RAB38: variants seen among roughly 807,000 people sequenced by gnomAD.
RAB38 encodes the protein ras-related protein Rab-38.
A neutral mutation model predicts 18.4 loss-of-function variants in RAB38; 15 were observed. The observed-to-expected ratio is 0.82, with a 90% CI of 0.55 to 1.26. The LOEUF (loss-of-function observed/expected upper bound fraction) is 1.26. Ranked by LOEUF, RAB38 falls within the 50% of genes most tolerant of loss-of-function variation. The pLI is 0.00. For missense variants in RAB38, 294 were observed against 267.4 expected, an observed-to-expected ratio of 1.10 and a Z score of -0.69; for synonymous variants, 101 against 104.4, an observed-to-expected ratio of 0.97 and a Z score of 0.20.
the RAB38 span, among the ~76,000 whole-genome samples, chr11:87,860,173 G>A: frequency 6.6e-6 from 1 of 151,934 alleles, no homozygotes; most frequent in East Asian, 1.9e-4. Flanking sequence ...CTAGAGAAAG[G>A]AATCATAAGG....
the RAB38 span, among the ~76,000 whole-genome samples, chr11:87,914,580 C>T: frequency 0.093 from 14,184 of 152,146 alleles, 1,519 homozygotes; most frequent in African/African-American, 0.27. Flanking sequence ...AATGTTTAGC[C>T]TACCTATGGG....
chr11:87,858,632 T>C, the RAB38 span, among the ~76,000 whole-genome samples: 1 of 152,072 alleles, frequency 6.6e-6, no homozygotes, highest in Non-Finnish European at 1.5e-5. Flanking sequence ...TGCCATTGTA[T>C]TAAGGTTAAC....
At chr11:88,174,620 C>CGAAAAAAAAAA (rs1943354511) in intron 1 of RAB38, among the ~76,000 whole-genome samples, 1 of 101,130 alleles carries the variant, frequency 9.9e-6, no homozygotes, top group African/African-American at 3.9e-5. Flanking sequence ...AAGCAAAAAG[C>CGAAAAAAAAAA]AAAAAAAAAA....
the RAB38 span, among the ~76,000 whole-genome samples, chr11:87,846,852 G>C: frequency 2.0e-5 from 3 of 151,852 alleles, no homozygotes; most frequent in African/African-American, 7.3e-5. Context: ...CTCATCAGGG[G>C]AATTACATTA....
At chr11:88,005,551 T>G in the RAB38 span, among the ~76,000 whole-genome samples, 1 of 151,396 alleles carries the variant, frequency 6.6e-6, no homozygotes, top group African/African-American at 2.4e-5. Context: ...GGTTGTCTCT[T>G]TGCTCTGTTC....
At chr11:88,056,127 A>T in the RAB38 span, among the ~76,000 whole-genome samples, 1 of 152,164 alleles carries the variant, frequency 6.6e-6, no homozygotes, top group Non-Finnish European at 1.5e-5. Context: ...CTTGTTCATC[A>T]TCTGATTAGT....
At chr11:88,121,435 C>T (rs1942627298) in intron 2 of RAB38, among the ~76,000 whole-genome samples, 1 of 152,230 alleles carries the variant, frequency 6.6e-6, no homozygotes, top group Admixed American at 6.5e-5. Flanking sequence ...CCCAGAGTCA[C>T]ACAGCCAGCA....
At chr11:88,042,655 T>C in the RAB38 span, among the ~76,000 whole-genome samples, 1 of 152,288 alleles carries the variant, frequency 6.6e-6, no homozygotes, top group East Asian at 1.9e-4. Context: ...AGAAGCCCTC[T>C]AGGTGAGTAG....
At chr11:88,135,671 T>C (rs1942826970) in intron 2 of RAB38, among the ~76,000 whole-genome samples, 1 of 152,220 alleles carries the variant, frequency 6.6e-6, no homozygotes, top group Non-Finnish European at 1.5e-5. Flanking sequence ...AAATCTAAAC[T>C]TATTACCAGA....
intron 1 of RAB38, among the ~76,000 whole-genome samples, chr11:88,155,860 C>T (rs11604029): frequency 0.24 from 36,084 of 152,140 alleles, 4,354 homozygotes; most frequent in Admixed American, 0.27. Context: ...GGACAATTCA[C>T]TTAAGGAGTT....
the RAB38 span, among the ~76,000 whole-genome samples, chr11:87,865,754 A>G: frequency 1.3e-5 from 2 of 151,674 alleles, no homozygotes; most frequent in African/African-American, 4.8e-5. Flanking sequence ...AGAAATTGTG[A>G]GAGTCCGCAG....
the RAB38 span, among the ~76,000 whole-genome samples, chr11:87,977,036 T>A: frequency 1.2e-3 from 13 of 10,792 alleles, 2 homozygotes; most frequent in African/African-American, 1.6e-3. Context: ...ACAAGTATAT[T>A]ATAAAATATA....
the RAB38 span, among the ~76,000 whole-genome samples, chr11:87,936,434 T>C: frequency 1.3e-5 from 2 of 152,152 alleles, no homozygotes; most frequent in Admixed American, 6.6e-5. Context: ...TTTGCACCTT[T>C]GTCAAAATAT....
the RAB38 span, among the ~76,000 whole-genome samples, chr11:87,906,781 T>C: frequency 6.6e-6 from 1 of 151,914 alleles, no homozygotes; most frequent in African/African-American, 2.4e-5. Flanking sequence ...TTCATGTTTA[T>C]GGAAATGGGA....
the RAB38 span, among the ~76,000 whole-genome samples, chr11:87,944,937 C>A: frequency 6.6e-6 from 1 of 152,132 alleles, no homozygotes; most frequent in Admixed American, 6.6e-5. Flanking sequence ...AATGTTAGTT[C>A]ATATGCTTAA....
chr11:88,059,834 C>T, the RAB38 span, among the ~76,000 whole-genome samples: 129 of 151,980 alleles, frequency 8.5e-4, 1 homozygote, highest in African/African-American at 3.1e-3. Flanking sequence ...AGCCTTGGGC[C>T]CAGGCCAGGA....
the RAB38 span, among the ~76,000 whole-genome samples, chr11:87,836,802 G>T: frequency 6.6e-6 from 1 of 152,016 alleles, no homozygotes; most frequent in Non-Finnish European, 1.5e-5. Flanking sequence ...CTCTGCTCTG[G>T]CCATAACACC....
the RAB38 span, among the ~76,000 whole-genome samples, chr11:87,941,478 A>C: frequency 6.6e-6 from 1 of 151,700 alleles, no homozygotes; most frequent in Admixed American, 6.6e-5. Flanking sequence ...AGGTAACATG[A>C]AATAAGATGG....
the RAB38 span, among the ~76,000 whole-genome samples, chr11:88,019,530 T>C: frequency 6.6e-6 from 1 of 152,162 alleles, no homozygotes; most frequent in Non-Finnish European, 1.5e-5. Context: ...TCCTTTAAAA[T>C]GTAAATCATA....
Sources: gnomAD v4.1 joint callset for allele counts (sites outside exome capture counted in the v4.1 genomes callset) on GRCh38, gnomAD v4.1.1 for gene constraint, MANE v1.5 for transcripts, NCBI Gene and HGNC (gene_info 2026-07-23, HGNC 2026-07-21) for gene names.